The following FRMD3 variants were observed in gnomAD, a reference collection of about 807,000 sequenced individuals.
FRMD3 encodes the protein FERM domain-containing protein 3.
FRMD3 carries 33 observed loss-of-function variants against 70.2 expected under a neutral mutation model. The ratio of observed to expected loss-of-function variants is 0.47; its 90% CI spans 0.36 to 0.63. FRMD3 has a LOEUF of 0.63. Ranked by LOEUF, FRMD3 falls within the 20% of genes least tolerant of loss-of-function variation. FRMD3 has a pLI of 0.00. For synonymous variants in FRMD3, 279 were observed against 255.9 expected (o/e 1.09, Z -0.86); for missense variants, 632 against 711.4 (o/e 0.89, Z 1.27).
intron 6 of FRMD3, among the ~76,000 whole-genome samples, chr9:83,319,094 T>C (rs1206662937): frequency 6.6e-6 from 1 of 152,156 alleles, no homozygotes; most frequent in Non-Finnish European, 1.5e-5. Context: ...ATTCTGTAGG[T>C]TGTCTGTTTA....
intron 13 of FRMD3, among the ~76,000 whole-genome samples, chr9:83,252,505 T>G (rs1832476308): frequency 6.6e-6 from 1 of 152,140 alleles, no homozygotes; most frequent in Admixed American, 6.6e-5. Flanking sequence ...CAGGATCAAA[T>G]TCACACATAA....
intron 1 of FRMD3, among the ~76,000 whole-genome samples, chr9:83,498,957 G>A (rs1044227797): frequency 1.3e-5 from 2 of 152,046 alleles, no homozygotes; most frequent in African/African-American, 2.4e-5. Context: ...TCAGGCTTTC[G>A]AGATGAGGCA....
chr9:83,500,500 G>GCACACACACACA (rs377538475), intron 1 of FRMD3, among the ~76,000 whole-genome samples: 2,519 of 136,682 alleles, frequency 0.018, 40 homozygotes, highest in Non-Finnish European at 0.026. Context: ...GCGTGTATGC[G>GCACACACACACA]CGCACACACA....
At chr9:83,249,129 G>T (rs1832279274) in intron 13 of FRMD3, among the ~76,000 whole-genome samples, 1 of 152,094 alleles carries the variant, frequency 6.6e-6, no homozygotes, top group Non-Finnish European at 1.5e-5. Flanking sequence ...ATTTAGTTAT[G>T]CAATAAATTA....
intron 1 of FRMD3, among the ~76,000 whole-genome samples, chr9:83,489,697 G>A (rs12380849): frequency 0.14 from 21,085 of 152,152 alleles, 1,644 homozygotes; most frequent in East Asian, 0.33. Context: ...AAAGCAGTTC[G>A]AAGATTTCTC....
intron 13 of FRMD3, among the ~76,000 whole-genome samples, chr9:83,266,660 G>A (rs1833270053): frequency 6.6e-6 from 1 of 152,160 alleles, no homozygotes; most frequent in African/African-American, 2.4e-5. Context: ...GGAGCGTGTT[G>A]TGATCATCCA....
At position 83,494,833 on chromosome 9, in the gene FRMD3, A is replaced by ATGTGTGTGTGTG. The variant is rs377201441; in HGVS notation, c.147+43240_147+43251dup. 4.7e-3 allele frequency among the ~76,000 whole-genome samples: 699 copies of ATGTGTGTGTGTG among 149,386 alleles called. 9 individuals are homozygous for ATGTGTGTGTGTG. Among genetic ancestry groups the ATGTGTGTGTGTG allele is most frequent in the African/African-American group, 0.017 (676 of 40,616 alleles). ...ATACTGGTGTTTTTTCTGTGCATTT[A>ATGTGTGTGTGTG]TGTGTGTGTGTGTGTGTGTGTGTGT... On this transcript the variant is annotated intron_variant, in intron 1 of 13. Transcript: ENST00000304195.
intron 3 of FRMD3, among the ~76,000 whole-genome samples, chr9:83,356,985 C>G (rs1351900837): frequency 6.6e-6 from 1 of 151,344 alleles, no homozygotes; most frequent in Admixed American, 6.6e-5. Flanking sequence ...CGAGTGATAA[C>G]ATGCGATGTT....
intron 3 of FRMD3, among the ~76,000 whole-genome samples, chr9:83,364,132 C>T (rs1824711642): frequency 6.6e-6 from 1 of 152,192 alleles, no homozygotes; most frequent in Non-Finnish European, 1.5e-5. Context: ...AGCCGTTCAT[C>T]TGTTGGTTTG....
intron 13 of FRMD3, among the ~76,000 whole-genome samples, chr9:83,255,689 A>C (rs1441483374): frequency 6.6e-6 from 1 of 152,182 alleles, no homozygotes; most frequent in Non-Finnish European, 1.5e-5. Context: ...TCAGGATATA[A>C]AATCAATGTG....
intron 1 of FRMD3, among the ~76,000 whole-genome samples, chr9:83,411,623 G>C: frequency 6.6e-6 from 1 of 152,214 alleles, no homozygotes; most frequent in Non-Finnish European, 1.5e-5. Context: ...CCCCTTGCTT[G>C]TCAGTGGTAG....
At chr9:83,508,877 C>A (rs1829267022) in intron 1 of FRMD3, among the ~76,000 whole-genome samples, 1 of 152,116 alleles carries the variant, frequency 6.6e-6, no homozygotes, top group African/African-American at 2.4e-5. Context: ...CTGGCCAAGT[C>A]TAAAATGTGT....
intron 13 of FRMD3, among the ~76,000 whole-genome samples, chr9:83,278,255 G>A (rs987708273): frequency 1.3e-5 from 2 of 152,294 alleles, no homozygotes; most frequent in Admixed American, 6.5e-5. Flanking sequence ...CAGTCTGAGG[G>A]GTGGGCAGGA....
At chr9:83,350,342 G>A (rs796136042) in intron 3 of FRMD3, among the ~76,000 whole-genome samples, 21 of 152,112 alleles carry the variant, frequency 1.4e-4, no homozygotes, top group African/African-American at 4.3e-4. Flanking sequence ...ACTGTTGGCC[G>A]GCTGGTCGTG....
At chr9:83,468,853 C>T (rs1336454567) in intron 1 of FRMD3, among the ~76,000 whole-genome samples, 1 of 152,186 alleles carries the variant, frequency 6.6e-6, no homozygotes, top group Non-Finnish European at 1.5e-5. Context: ...TGGAGAAGAG[C>T]AGGGAAGCTC....
chr9:83,558,134 C>T, the FRMD3 span, among the ~76,000 whole-genome samples: 25 of 152,304 alleles, frequency 1.6e-4, no homozygotes, highest in Non-Finnish European at 3.5e-4. Context: ...AAACAAATCT[C>T]ACCTTGCAGA....
At chr9:83,276,192 G>A (rs977142848) in intron 13 of FRMD3, 2 of 152,166 alleles carry the variant, frequency 1.3e-5, no homozygotes, top group African/African-American at 2.4e-5. Flanking sequence ...AGGGGAAATG[G>A]ATAACAACAC....
At chr9:83,266,843 CCTCCTTCCCA>C (rs1181734926) in intron 13 of FRMD3, among the ~76,000 whole-genome samples, 2 of 152,092 alleles carry the variant, frequency 1.3e-5, no homozygotes, top group Non-Finnish European at 2.9e-5. Context: ...GCTTGCTCAC[CCTCCTTCCCA>C]CTCGTCTCTG....
rs1055472362 is a variant in FRMD3, at chr9:83,245,822, AAAG to A, written c.*2093_*2095del. The stretch of plus-strand genomic sequence containing the variant: ...AGGATGACTTAGAAGTCGTATGAGA[AAAG>A]AAGGAGAAAAACACAAATTTCAATT... On this transcript the variant is annotated 3_prime_UTR_variant, in exon 14 of 14. Coordinates refer to ENST00000304195, the MANE Select transcript of FRMD3 (RefSeq NM_174938.6). 133 of 985,364 alleles carry A rather than the reference AAAG, an allele frequency of 1.3e-4. No individual in the cohort carries two copies. The highest frequency in any genetic ancestry group is 1.0e-3 in the Middle Eastern group (2 of 1,914). 61.0% of individuals were successfully genotyped at this position (985,364 alleles called of 1,614,324 possible).
Sources: allele counts gnomAD v4.1 joint callset (sites outside exome capture counted in the v4.1 genomes callset), GRCh38; gene constraint gnomAD v4.1.1; transcripts MANE v1.5; gene names NCBI Gene and HGNC (gene_info 2026-07-23, HGNC 2026-07-21).